FOCAD: variants seen among roughly 807,000 people sequenced by gnomAD.
FOCAD encodes KIAA1797.
A neutral mutation model predicts 225.6 loss-of-function variants in FOCAD; 198 were observed. The ratio of observed to expected loss-of-function variants is 0.88; its 90% CI spans 0.78 to 0.99. The LOEUF (loss-of-function observed/expected upper bound fraction) is 0.99. Ranked by LOEUF, FOCAD falls within the 50% of genes least tolerant of loss-of-function variation. FOCAD has a pLI of 0.00. For synonymous variants in FOCAD, 897 were observed against 755.0 expected, an observed-to-expected ratio of 1.19 and a Z score of -3.08; for missense variants, 2,713 against 2,123.6, an observed-to-expected ratio of 1.28 and a Z score of -5.46.
At chr9:20,978,271 T>C (rs1470064585) in intron 36 of FOCAD, 68 bp from the exon 37 acceptor site, 1 of 955,764 alleles carries the variant, frequency 1.0e-6, no homozygotes. Flanking sequence ...TGATTTGAGA[T>C]ATTAAAGCCT....
intron 1 of FOCAD, among the ~76,000 whole-genome samples, chr9:20,709,680 C>A (rs1824674512): frequency 6.6e-6 from 1 of 152,126 alleles, no homozygotes; most frequent in Non-Finnish European, 1.5e-5. Context: ...AAGACACTTG[C>A]AATTTGTAGC....
intron 35 of FOCAD, among the ~76,000 whole-genome samples, chr9:20,975,022 G>A (rs765251602): frequency 6.6e-6 from 1 of 151,990 alleles, no homozygotes; most frequent in Non-Finnish European, 1.5e-5. Flanking sequence ...TCTGATTCAG[G>A]TGCTTTTTTG....
At chr9:20,815,783 G>A (rs1174701020) in intron 11 of FOCAD, among the ~76,000 whole-genome samples, 1 of 152,112 alleles carries the variant, frequency 6.6e-6, no homozygotes, top group African/African-American at 2.4e-5. Context: ...AGCATTCATT[G>A]TATTTTCAGC....
At chr9:20,843,485 A>G (rs142552075) in intron 15 of FOCAD, among the ~76,000 whole-genome samples, 1,578 of 152,032 alleles carry the variant, frequency 0.01, 5 homozygotes, top group Non-Finnish European at 0.017. Context: ...TATTGGAACG[A>G]TTTTATATGT....
At chr9:20,840,293 A>C (rs1461838040) in intron 15 of FOCAD, among the ~76,000 whole-genome samples, 1 of 152,064 alleles carries the variant, frequency 6.6e-6, no homozygotes, top group Non-Finnish European at 1.5e-5. Flanking sequence ...ATTTATGAAC[A>C]TGGAATATCT....
At chr9:20,975,287 T>C (rs949842190) in intron 35 of FOCAD, among the ~76,000 whole-genome samples, 2 of 152,158 alleles carry the variant, frequency 1.3e-5, no homozygotes, top group Admixed American at 6.6e-5. Context: ...CTACTATCTG[T>C]TTTTCAATTT....
At chr9:20,952,435 A>G (rs1374642998) in intron 34 of FOCAD, 2 of 152,390 alleles carry the variant, frequency 1.3e-5, no homozygotes, top group Non-Finnish European at 2.9e-5. Context: ...ACTAGCATAA[A>G]TGTCACTGCT....
rs573608212 is a variant in FOCAD at position 20,918,888 on chromosome 9, T to C, written c.2852+1951T>C. Among the ~76,000 whole-genome samples the C allele has an allele frequency of 6.6e-5, 10 of 152,324 alleles. No individual in the cohort carries two copies. The East Asian group carries it at 1.9e-3, about 29-fold the overall frequency. On this transcript the variant is annotated intron_variant, in intron 24 of 43. Coordinates refer to ENST00000338382, the MANE Select transcript of FOCAD (RefSeq NM_001375567.1). ...AAAATCATTCTGTCACCCTCTCTGC[T>C]TCTTCCCACTGGCTTCCTCCAACAT... is the stretch of plus-strand genomic sequence containing the variant.
Position 20,929,112 on chromosome 9 carries a change from G to A in FOCAD, c.3079-246G>A, listed in dbSNP as rs183127463. The A allele has an allele frequency of 2.4e-3, 993 of 411,270 alleles. 2 individuals carry two copies. The highest frequency in any genetic ancestry group is 4.6e-3 in the Middle Eastern group (7 of 1,512). 25.5% of individuals were successfully genotyped at this position (411,270 alleles called of 1,614,324 possible). A position where few individuals can be genotyped will look rare whatever the true frequency, so the allele number is the denominator to read the frequency against. ...GGGAATTTATAACCTTTAAAAGGAA[G>A]ACGCTTGTAATTTGGTTTTTCAGAT... On this transcript the variant is annotated intron_variant, in intron 26 of 43. Transcript: ENST00000338382.
chr9:20,889,951 C>G (rs916831122), intron 21 of FOCAD, among the ~76,000 whole-genome samples: 15 of 151,932 alleles, frequency 9.9e-5, no homozygotes, highest in African/African-American at 3.1e-4. Flanking sequence ...ATTACATATC[C>G]CTAAGTATTT....
chr9:20,837,846 C>T (rs1008206404), intron 15 of FOCAD, among the ~76,000 whole-genome samples: 2 of 152,066 alleles, frequency 1.3e-5, no homozygotes, highest in African/African-American at 4.8e-5. Flanking sequence ...CCACCTTCTC[C>T]ATGCGTAGGA....
chr9:20,855,182 T>C (rs1564075455), intron 15 of FOCAD, among the ~76,000 whole-genome samples: 1 of 151,698 alleles, frequency 6.6e-6, no homozygotes, highest in Non-Finnish European at 1.5e-5. Flanking sequence ...TTTACATTTA[T>C]TTATTAAAAC....
At chr9:20,886,883 T>C (rs7044578) in intron 21 of FOCAD, among the ~76,000 whole-genome samples, 29,038 of 152,124 alleles carry the variant, frequency 0.19, 2,966 homozygotes, top group Non-Finnish European at 0.23. Flanking sequence ...TAACAGCTAA[T>C]AATCGATTTA....
At chr9:20,700,274 A>G (rs1044693342) in intron 1 of FOCAD, among the ~76,000 whole-genome samples, 2 of 152,212 alleles carry the variant, frequency 1.3e-5, no homozygotes, top group African/African-American at 2.4e-5. Flanking sequence ...ATAGCTGTCA[A>G]TGGAAGCATT....
At chr9:20,827,522 G>T (rs781383695) in intron 15 of FOCAD, among the ~76,000 whole-genome samples, 16 of 151,870 alleles carry the variant, frequency 1.1e-4, no homozygotes, top group Non-Finnish European at 7.4e-5. Flanking sequence ...TTGTGTGTAT[G>T]TATGTATGTA....
At chr9:20,844,020 A>C (rs927512992) in intron 15 of FOCAD, among the ~76,000 whole-genome samples, 1 of 152,164 alleles carries the variant, frequency 6.6e-6, no homozygotes, top group Non-Finnish European at 1.5e-5. Flanking sequence ...CTTGCTTTCT[A>C]AGCCAACTCC....
chr9:20,773,664 G>A (rs1297225312), intron 8 of FOCAD, among the ~76,000 whole-genome samples: 1 of 152,148 alleles, frequency 6.6e-6, no homozygotes, highest in African/African-American at 2.4e-5. Flanking sequence ...TGTCATCTCA[G>A]TGTGTATCTC....
At chr9:20,983,895 T>C (rs542164980) in intron 39 of FOCAD, among the ~76,000 whole-genome samples, 1 of 152,360 alleles carries the variant, frequency 6.6e-6, no homozygotes, top group Middle Eastern at 3.4e-3. Flanking sequence ...ATTATCATAA[T>C]TATTACATAT....
At chr9:20,880,702 G>C (rs1830597997) in intron 19 of FOCAD, among the ~76,000 whole-genome samples, 1 of 152,166 alleles carries the variant, frequency 6.6e-6, no homozygotes, top group Admixed American at 6.6e-5. Context: ...GTGAGCTCTT[G>C]CTGCCTTTAA....
Sources: gnomAD v4.1 joint callset for allele counts (sites outside exome capture counted in the v4.1 genomes callset) on GRCh38, gnomAD v4.1.1 for gene constraint, MANE v1.5 for transcripts, NCBI Gene and HGNC (gene_info 2026-07-23, HGNC 2026-07-21) for gene names.